RIMKLB: variants seen among roughly 807,000 people sequenced by gnomAD.
RIMKLB encodes the protein ribosomal modification protein rimK like family member B, also known as beta-citrylglutamate synthase B.
RIMKLB carries 7 observed loss-of-function variants against 32.0 expected under a neutral mutation model. That is an observed-to-expected ratio of 0.22 (90% CI 0.12 to 0.41). The LOEUF (loss-of-function observed/expected upper bound fraction) is 0.41. RIMKLB is among the 10% of genes least tolerant of loss of function. The pLI is 1.00. For synonymous variants in RIMKLB, 172 were observed against 185.1 expected (o/e 0.93, Z 0.57); for missense variants, 289 against 498.7 (o/e 0.58, Z 4.00).
At chr12:8,713,661 T>C (rs1033601494) in intron 1 of RIMKLB, 150 bp from the exon 2 acceptor site, 3 of 546,046 alleles carry the variant, frequency 5.5e-6, no homozygotes, top group African/African-American at 3.8e-5. Flanking sequence ...TATAAAAATT[T>C]TAGTTTGAAT....
intron 1 of RIMKLB, among the ~76,000 whole-genome samples, chr12:8,710,558 G>T (rs1278261791): frequency 1.3e-5 from 2 of 151,956 alleles, no homozygotes; most frequent in Non-Finnish European, 2.9e-5. Flanking sequence ...CGCCCACCTT[G>T]GCCTTCCAAA....
intron 2 of RIMKLB, among the ~76,000 whole-genome samples, chr12:8,718,409 T>G (rs12297919): frequency 0.033 from 5,077 of 152,166 alleles, 286 homozygotes; most frequent in African/African-American, 0.11. Flanking sequence ...ACTTTGGGAA[T>G]CCGAGGCCGG....
At chr12:8,717,979 A>G (rs1186819342) in intron 2 of RIMKLB, among the ~76,000 whole-genome samples, 1 of 152,204 alleles carries the variant, frequency 6.6e-6, no homozygotes, top group Non-Finnish European at 1.5e-5. Flanking sequence ...TCCTTGGGCT[A>G]GCAGAATTGT....
At chr12:8,740,558 C>T (rs994935144) in intron 2 of RIMKLB, among the ~76,000 whole-genome samples, 2 of 152,196 alleles carry the variant, frequency 1.3e-5, no homozygotes, top group African/African-American at 2.4e-5. Flanking sequence ...GTCCTCATAG[C>T]GTAGCTCTCA....
chr12:8,718,209 G>C (rs1019777727), intron 2 of RIMKLB, among the ~76,000 whole-genome samples: 13 of 152,114 alleles, frequency 8.5e-5, no homozygotes, highest in Non-Finnish European at 5.9e-5. Flanking sequence ...CAGTGTTCTA[G>C]CAGGTTTTTG....
chr12:8,752,801 C>T (rs895351128), intron 4 of RIMKLB, among the ~76,000 whole-genome samples: 6 of 151,250 alleles, frequency 4.0e-5, no homozygotes, highest in Admixed American at 4.0e-4. Flanking sequence ...AGTGCAGTGG[C>T]GTGATTTCAG....
At chr12:8,682,979 T>C (rs1942460447) in intron 1 of RIMKLB, among the ~76,000 whole-genome samples, 1 of 151,980 alleles carries the variant, frequency 6.6e-6, no homozygotes, top group African/African-American at 2.4e-5. Context: ...TTTGGGTTTT[T>C]CCTGAATGTC....
chr12:8,729,217 C>G (rs984891313), intron 2 of RIMKLB, among the ~76,000 whole-genome samples: 1 of 152,116 alleles, frequency 6.6e-6, no homozygotes, highest in Non-Finnish European at 1.5e-5. Context: ...TGCACCCACA[C>G]TCTTGGCACC....
downstream of RIMKLB, chr12:8,777,456 G>A: frequency 9.1e-7 from 1 of 1,099,168 alleles, no homozygotes; most frequent in Middle Eastern, 4.3e-4. Flanking sequence ...TTTTGGGGTG[G>A]CTGCCTAACT....
At chr12:8,760,872 T>G (rs1323893838) in intron 5 of RIMKLB, among the ~76,000 whole-genome samples, 1 of 152,144 alleles carries the variant, frequency 6.6e-6, no homozygotes, top group Non-Finnish European at 1.5e-5. Flanking sequence ...TTGCAAAAAT[T>G]TTCTCCCATT....
In RIMKLB at chr12:8,776,451, G is replaced by T; in HGVS notation, c.*2667G>T. 1.2e-6 allele frequency: 1 copy of T among 830,930 alleles called. No individual in the cohort carries two copies. The highest frequency in any genetic ancestry group is 1.5e-6 in the Non-Finnish European group (1 of 689,624). The allele number at this position is 830,930 out of a possible 1,614,324, so 51.5% of individuals were successfully genotyped here. ...TTTTCATAATTGTTTAATAACTTTT[G>T]TATAATCTTCATTGCTATTATGAGA... On this transcript the variant is annotated 3_prime_UTR_variant, in exon 6 of 6. Coordinates refer to ENST00000535829, the MANE Select transcript of RIMKLB (RefSeq NM_001297776.2).
intron 5 of RIMKLB, among the ~76,000 whole-genome samples, chr12:8,762,393 G>C (rs1949604725): frequency 6.6e-6 from 1 of 152,080 alleles, no homozygotes; most frequent in Admixed American, 6.5e-5. Context: ...CCCCATGCTA[G>C]GGTCCTTCTA....
intron 3 of RIMKLB, 67 bp downstream of exon 3, chr12:8,750,159 A>G (rs1391042333): frequency 3.0e-6 from 3 of 990,282 alleles, no homozygotes; most frequent in Non-Finnish European, 3.2e-6. Flanking sequence ...GGATAAATTT[A>G]CAGACATGAA....
chr12:8,755,587 T>C (rs1256395049), intron 5 of RIMKLB, among the ~76,000 whole-genome samples: 1 of 152,218 alleles, frequency 6.6e-6, no homozygotes, highest in Non-Finnish European at 1.5e-5. Context: ...CCTTCTCTTA[T>C]TTGGATTACC....
At chr12:8,721,743 T>C (rs1438269715) in intron 2 of RIMKLB, among the ~76,000 whole-genome samples, 1 of 152,086 alleles carries the variant, frequency 6.6e-6, no homozygotes, top group African/African-American at 2.4e-5. Context: ...TGAGTGTTTT[T>C]TGTTTTTTGT....
chr12:8,748,620 TAA>T (rs1360109128), intron 2 of RIMKLB, among the ~76,000 whole-genome samples: 1 of 146,954 alleles, frequency 6.8e-6, no homozygotes, highest in African/African-American at 2.6e-5. Context: ...TATATATATA[TAA>T]TTTTTTTTTT....
In RIMKLB at chr12:8,763,316, G is replaced by GT. The variant is rs1949689421; in HGVS notation, c.697+9225dup. Among the ~76,000 whole-genome samples the GT allele has an allele frequency of 4.6e-5, 7 of 152,272 alleles. 1 individual carries two copies. The South Asian group carries it at 1.5e-3, about 32-fold the overall frequency. Reference sequence around the variant, plus strand: ...TACATGTAAAGAAAAGTCTTGGCCTGTTGGCAAGCTTAACACTGGGGCTTG... The same window carrying GT: ...TACATGTAAAGAAAAGTCTTGGCCTGTTTGGCAAGCTTAACACTGGGGCTTG... On this transcript the variant is annotated intron_variant, in intron 5 of 5. Coordinates refer to ENST00000535829, the MANE Select transcript of RIMKLB (RefSeq NM_001297776.2).
At chr12:8,694,348 G>T (rs1942822153), upstream of RIMKLB, among the ~76,000 whole-genome samples, 1 of 151,258 alleles carries the variant, frequency 6.6e-6, no homozygotes, top group Non-Finnish European at 1.5e-5. Context: ...AAACTGCTGG[G>T]ATTACAGGTG....
chr12:8,697,552 G>A (rs933871043), upstream of RIMKLB: 2 of 155,904 alleles, frequency 1.3e-5, no homozygotes, highest in African/African-American at 4.8e-5. Context: ...TACAACGGAA[G>A]GGACTAATCT....
Sources: allele counts gnomAD v4.1 joint callset (sites outside exome capture counted in the v4.1 genomes callset), GRCh38; gene constraint gnomAD v4.1.1; transcripts MANE v1.5; gene names NCBI Gene and HGNC (gene_info 2026-07-23, HGNC 2026-07-21).